The following C2CD5 variants were observed in gnomAD, a reference collection of about 807,000 sequenced individuals.
C2CD5 encodes C2 domain-containing protein 5.
C2CD5 carries 109 observed loss-of-function variants against 130.3 expected under a neutral mutation model. The ratio of observed to expected loss-of-function variants is 0.84; its 90% confidence interval spans 0.72 to 0.98. C2CD5 has a LOEUF of 0.98. Ranked by LOEUF, C2CD5 falls within the 50% of genes least tolerant of loss-of-function variation. The pLI is 0.00. For missense variants in C2CD5, 996 were observed against 1,261.8 expected (o/e 0.79, Z 3.19); for synonymous variants, 454 against 429.2 (o/e 1.06, Z -0.71).
intron 10 of C2CD5, among the ~76,000 whole-genome samples, chr12:22,495,515 A>G (rs1946898331): frequency 6.6e-6 from 1 of 152,062 alleles, no homozygotes; most frequent in Admixed American, 6.6e-5. Flanking sequence ...TCAAATAATT[A>G]AACCAAACAC....
chr12:22,508,082 G>C (rs1041379029), intron 9 of C2CD5, among the ~76,000 whole-genome samples: 6 of 152,110 alleles, frequency 3.9e-5, no homozygotes, highest in Non-Finnish European at 7.3e-5. Context: ...TTCAAGCATG[G>C]AGAATACAAA....
intron 14 of C2CD5, among the ~76,000 whole-genome samples, chr12:22,480,976 T>C (rs1944625529): frequency 6.6e-6 from 1 of 152,076 alleles, no homozygotes; most frequent in Non-Finnish European, 1.5e-5. Flanking sequence ...GGGTAATTTT[T>C]GTATTTTTAG....
intron 12 of C2CD5, among the ~76,000 whole-genome samples, chr12:22,489,510 A>G (rs1946064888): frequency 6.6e-6 from 1 of 152,054 alleles, no homozygotes; most frequent in South Asian, 2.1e-4. Flanking sequence ...AACAGGTATT[A>G]TATCAGGTAT....
chr12:22,456,258 A>G (rs1249177859), intron 25 of C2CD5, among the ~76,000 whole-genome samples: 1 of 152,194 alleles, frequency 6.6e-6, no homozygotes, highest in Non-Finnish European at 1.5e-5. Context: ...TGAAAAGGTT[A>G]TTGGATGTCA....
Position 22,544,533 on chromosome 12 carries a change from A to G in C2CD5, c.-243T>C, listed in dbSNP as rs1296732241. The stretch of plus-strand genomic sequence containing the variant: ...TGGCGGCTCTCGGGGCGCGGAAGAA[A>G]GCATCGATCGTTCGGCGCTCTGCCC... On this transcript the variant is annotated 5_prime_UTR_variant, in exon 1 of 27. Coordinates refer to ENST00000446597, the MANE Select transcript of C2CD5 (RefSeq NM_001286176.2). 3.2e-5 allele frequency: 6 copies of G among 187,270 alleles called. No individual in the cohort carries two copies. Among genetic ancestry groups the G allele is most frequent in the Non-Finnish European group, 6.6e-5 (6 of 91,548 alleles). 11.6% of individuals were successfully genotyped at this position (187,270 alleles called of 1,614,324 possible).
At chr12:22,530,620 G>A (rs1951189723) in intron 3 of C2CD5, among the ~76,000 whole-genome samples, 1 of 151,784 alleles carries the variant, frequency 6.6e-6, no homozygotes, top group Non-Finnish European at 1.5e-5. Flanking sequence ...ACCACACCCG[G>A]CTAATTTTTG....
intron 26 of C2CD5, among the ~76,000 whole-genome samples, chr12:22,450,813 T>G (rs1447971507): frequency 6.6e-6 from 1 of 151,986 alleles, no homozygotes; most frequent in Non-Finnish European, 1.5e-5. Flanking sequence ...ACCTAAATAT[T>G]TATCAGCAGG....
At chr12:22,491,878 C>CAA (rs202192466) in intron 11 of C2CD5, among the ~76,000 whole-genome samples, 18 of 134,302 alleles carry the variant, frequency 1.3e-4, no homozygotes, top group South Asian at 1.0e-3. Flanking sequence ...TCTCAAAAAA[C>CAA]AAAAAAAAAA....
intron 12 of C2CD5, among the ~76,000 whole-genome samples, chr12:22,485,419 AATTTAATTGTAC>A (rs1945354601): frequency 2.0e-5 from 3 of 152,042 alleles, no homozygotes; most frequent in Admixed American, 2.0e-4. Flanking sequence ...TATAATTGAT[AATTTAATTGTAC>A]ATTTTCATGT....
intron 6 of C2CD5, 46 bp downstream of exon 6, chr12:22,524,424 TAA>T (rs1342072043): frequency 1.3e-6 from 2 of 1,550,900 alleles, no homozygotes; most frequent in African/African-American, 2.8e-5. Context: ...GCAAAAAATT[TAA>T]GAGAGTACTA....
chr12:22,478,212 T>C (rs1188117242), intron 15 of C2CD5, 101 bp downstream of exon 15: 1 of 906,992 alleles, frequency 1.1e-6, no homozygotes, highest in Non-Finnish European at 1.8e-6. Flanking sequence ...TAAGGAGAGC[T>C]AAACAGTGAA....
chr12:22,510,786 A>G (rs1043807809), intron 9 of C2CD5, among the ~76,000 whole-genome samples: 1 of 152,220 alleles, frequency 6.6e-6, no homozygotes, highest in Non-Finnish European at 1.5e-5. Flanking sequence ...GACTGAAGGA[A>G]CTAAAAAAGT....
At chr12:22,475,521 A>C (rs1943715660) in intron 15 of C2CD5, among the ~76,000 whole-genome samples, 1 of 152,158 alleles carries the variant, frequency 6.6e-6, no homozygotes, top group Non-Finnish European at 1.5e-5. Flanking sequence ...AAAGATCACT[A>C]GGGGTTCTAA....
At chr12:22,452,616 T>C (rs951182915) in intron 26 of C2CD5, among the ~76,000 whole-genome samples, 1 of 152,132 alleles carries the variant, frequency 6.6e-6, no homozygotes, top group East Asian at 1.9e-4. Flanking sequence ...GAAGGTTGTC[T>C]CATAGTTTTG....
At chr12:22,484,603 G>T in intron 13 of C2CD5, 94 bp downstream of exon 13, 3 of 585,880 alleles carry the variant, frequency 5.1e-6, no homozygotes, top group Non-Finnish European at 2.9e-6. Flanking sequence ...GATCAAACAG[G>T]TAGGAAACAG....
chr12:22,485,138 G>A (rs1283165216), intron 12 of C2CD5, among the ~76,000 whole-genome samples: 1 of 152,016 alleles, frequency 6.6e-6, no homozygotes, highest in Non-Finnish European at 1.5e-5. Context: ...TTATTTGTTT[G>A]ATGACTTACC....
chr12:22,479,632 A>G (rs1944415901), intron 14 of C2CD5, among the ~76,000 whole-genome samples: 1 of 152,102 alleles, frequency 6.6e-6, no homozygotes, highest in Admixed American at 6.5e-5. Context: ...ATTTCACTAT[A>G]TTGCCCTACC....
At chr12:22,478,621 A>T (rs989099966) in intron 14 of C2CD5, 144 bp from the exon 15 acceptor site, 1 of 632,682 alleles carries the variant, frequency 1.6e-6, no homozygotes, top group African/African-American at 1.8e-5. Context: ...CAAGGCGGGC[A>T]GATCACTTGA....
intron 2 of C2CD5, among the ~76,000 whole-genome samples, chr12:22,541,467 G>C (rs527895033): frequency 6.6e-6 from 1 of 152,274 alleles, no homozygotes; most frequent in Non-Finnish European, 1.5e-5. Context: ...CTTAGTCCTT[G>C]CAAGACTGGT....
Sources: gnomAD v4.1 joint callset for allele counts (sites outside exome capture counted in the v4.1 genomes callset) on GRCh38, gnomAD v4.1.1 for gene constraint, MANE v1.5 for transcripts, NCBI Gene and HGNC (gene_info 2026-07-23, HGNC 2026-07-21) for gene names.